Variants in MYMX observed in about 807,000 individuals in gnomAD.
MYMX encodes the protein myomixer, myoblast fusion factor, also known as protein myomixer.
the MYMX span, among the ~76,000 whole-genome samples, chr6:44,201,792 A>T: frequency 3.3e-5 from 5 of 152,152 alleles, no homozygotes; most frequent in Non-Finnish European, 7.4e-5. Flanking sequence ...AGCTGTAGGT[A>T]TTATTATAAT....
At position 44,217,723 on chromosome 6, in the gene MYMX, G is replaced by T; in HGVS notation, c.252G>T (p.Lys84Asn). The T allele has an allele frequency of 2.5e-6, 1 of 401,008 alleles. No individual in the cohort carries two copies. Among genetic ancestry groups the T allele is most frequent in the Non-Finnish European group, 4.4e-6 (1 of 226,382 alleles). 24.8% of individuals were successfully genotyped at this position (401,008 alleles called of 1,614,324 possible). The change falls in exon 2 of 2, where the codon AAG becomes AAT. Residue 84 changes from lysine (K) to asparagine (N), a missense_variant. Physicochemically the swap from Lys to Asn is moderately conservative, Grantham distance 94 (BLOSUM62 0). Coordinates refer to ENST00000573382, the MANE Select transcript of MYMX (RefSeq NM_001315494.2). Reference sequence around the variant, plus strand: ...GGAGGGAGAGGTTAGGCCCCCAAAAGTGAGGCCACAAGTCCTGGCAGCAGC... The same window carrying T: ...GGAGGGAGAGGTTAGGCCCCCAAAATTGAGGCCACAAGTCCTGGCAGCAGC... Reference protein sequence around the residue: ...LERRERLGPQK With the variant: ...LERRERLGPQN
chr6:44,208,453 C>A, the MYMX span, among the ~76,000 whole-genome samples: 1 of 152,062 alleles, frequency 6.6e-6, no homozygotes, highest in Non-Finnish European at 1.5e-5. Flanking sequence ...CCTTCTCCAC[C>A]TTCTTATACT....
At chr6:44,212,843 G>A (rs1290772044), upstream of MYMX, among the ~76,000 whole-genome samples, 3 of 145,458 alleles carry the variant, frequency 2.1e-5, no homozygotes, top group African/African-American at 7.6e-5. Flanking sequence ...GAGCAACATA[G>A]TGAGAACTTG....
chr6:44,205,875 G>A, the MYMX span, among the ~76,000 whole-genome samples: 1 of 151,452 alleles, frequency 6.6e-6, no homozygotes, highest in African/African-American at 2.4e-5. Flanking sequence ...AGCTACTTGG[G>A]AGGCTGAGGT....
chr6:44,203,221 T>C, the MYMX span, among the ~76,000 whole-genome samples: 2 of 152,056 alleles, frequency 1.3e-5, no homozygotes, highest in Middle Eastern at 3.2e-3. Context: ...CCTGGGAGTG[T>C]GTTTAGATCA....
At chr6:44,201,515 A>G in the MYMX span, among the ~76,000 whole-genome samples, 1 of 152,204 alleles carries the variant, frequency 6.6e-6, no homozygotes, top group African/African-American at 2.4e-5. Context: ...GATTTCCCAG[A>G]GGACAACAGG....
chr6:44,198,754 T>TACAGGCGTGCACC, the MYMX span, among the ~76,000 whole-genome samples: 1 of 152,208 alleles, frequency 6.6e-6, no homozygotes, highest in South Asian at 2.1e-4. Flanking sequence ...CAGGCTGGAT[T>TACAGGCGTGCACC]ACAGGCGTGC....
the MYMX span, among the ~76,000 whole-genome samples, chr6:44,208,083 C>G: frequency 6.6e-6 from 1 of 151,896 alleles, no homozygotes; most frequent in Non-Finnish European, 1.5e-5. Flanking sequence ...CAAAAATTAT[C>G]CAGGCATGGT....
At chr6:44,196,402 G>A in the MYMX span, among the ~76,000 whole-genome samples, 1 of 152,150 alleles carries the variant, frequency 6.6e-6, no homozygotes. Flanking sequence ...CTTTAGGCTG[G>A]GAGCAGTGGC....
chr6:44,199,044 A>ACAT, the MYMX span, among the ~76,000 whole-genome samples: 12 of 151,918 alleles, frequency 7.9e-5, no homozygotes, highest in Non-Finnish European at 1.5e-4. Context: ...CCTCTCCCCT[A>ACAT]CATGTTCTTG....
At chr6:44,202,918 C>G in the MYMX span, among the ~76,000 whole-genome samples, 2 of 152,344 alleles carry the variant, frequency 1.3e-5, no homozygotes, top group Admixed American at 1.3e-4. Flanking sequence ...GAATCTCTCA[C>G]TCTGTTTACA....
At chr6:44,198,589 C>T in the MYMX span, among the ~76,000 whole-genome samples, 2 of 152,092 alleles carry the variant, frequency 1.3e-5, no homozygotes, top group Non-Finnish European at 2.9e-5. Context: ...TCACTGCAAA[C>T]TCCACCTTCC....
chr6:44,195,460 T>TA, the MYMX span, among the ~76,000 whole-genome samples: 2 of 150,318 alleles, frequency 1.3e-5, no homozygotes, highest in Non-Finnish European at 3.0e-5. Context: ...ATCTATGCTG[T>TA]AATTTTTTTT....
chr6:44,216,646 C>G (rs892564745), upstream of MYMX, among the ~76,000 whole-genome samples: 1 of 101,032 alleles, frequency 9.9e-6, no homozygotes, highest in Non-Finnish European at 1.9e-5. Flanking sequence ...GAGCAAAACT[C>G]TGTCTCAAAA....
chr6:44,194,958 C>T, the MYMX span, among the ~76,000 whole-genome samples: 1 of 152,054 alleles, frequency 6.6e-6, no homozygotes, highest in African/African-American at 2.4e-5. Flanking sequence ...TATTCGCCAC[C>T]AAGATTAAAG....
the MYMX span, among the ~76,000 whole-genome samples, chr6:44,196,620 G>A: frequency 2.6e-5 from 4 of 151,958 alleles, no homozygotes; most frequent in Admixed American, 6.6e-5. Context: ...CGGAATTTGC[G>A]TTACTGTACT....
At chr6:44,197,208 C>A in the MYMX span, among the ~76,000 whole-genome samples, 1 of 152,238 alleles carries the variant, frequency 6.6e-6, no homozygotes, top group African/African-American at 2.4e-5. Context: ...TGTACTCCAG[C>A]CTGGGGGACA....
the MYMX span, among the ~76,000 whole-genome samples, chr6:44,205,109 T>C: frequency 1.3e-5 from 2 of 152,014 alleles, no homozygotes; most frequent in African/African-American, 4.8e-5. Context: ...ACTGGGGGCT[T>C]TTATGAGTAA....
chr6:44,194,710 G>T, the MYMX span, among the ~76,000 whole-genome samples: 1 of 152,184 alleles, frequency 6.6e-6, no homozygotes. Context: ...AGGCCTGCCT[G>T]CCAGCACCGC....
Sources: gnomAD v4.1 joint callset for allele counts (sites outside exome capture counted in the v4.1 genomes callset) on GRCh38, gnomAD v4.1.1 for gene constraint, MANE v1.5 for transcripts, NCBI Gene and HGNC (gene_info 2026-07-23, HGNC 2026-07-21) for gene names.